LGR6: variants seen among roughly 807,000 people sequenced by gnomAD.
LGR6 encodes leucine rich repeat containing G protein-coupled receptor 6, also known as leucine-rich repeat-containing G protein-coupled receptor 6.
In LGR6, 45 loss-of-function variants were observed where a neutral mutation model predicts 69.4. The observed-to-expected ratio is 0.65, with a 90% CI of 0.51 to 0.83. The LOEUF (loss-of-function observed/expected upper bound fraction) is 0.83, where lower values mean the gene tolerates loss of function less well. Among genes scored for constraint, LGR6 ranks in the 40% least tolerant of loss-of-function variants. The probability of loss-of-function intolerance (pLI) is 0.00; values close to 1 mark genes in which losing one functional copy is unlikely to be tolerated. For missense variants in LGR6, 1,108 were observed against 1,246.7 expected (o/e 0.89, Z 1.68); for synonymous variants, 538 against 555.0 (o/e 0.97, Z 0.43).
At chr1:202,219,366 T>G (rs1313787855) in intron 1 of LGR6, among the ~76,000 whole-genome samples, 2 of 152,242 alleles carry the variant, frequency 1.3e-5, no homozygotes, top group Non-Finnish European at 2.9e-5. Flanking sequence ...CGTTAAGCCC[T>G]AGTCAGAGAC....
chr1:202,309,171 A>G lies in LGR6; in HGVS notation c.1401A>G (p.Lys467=), dbSNP rs148996602. ...CCTTCTCCAAGGACAGTTTCCCAAAACTGAGGTGAGGGACTGGCTTTCCCC... is the reference window on the plus strand; with the variant it reads ...CCTTCTCCAAGGACAGTTTCCCAAAGCTGAGGTGAGGGACTGGCTTTCCCC... The part of the protein sequence containing the change: ...SQAFSKDSFP[K]LRILEVPYAY... The change falls in exon 15 of 18, where the codon AAA becomes AAG. Residue 467 remains lysine (K), a synonymous_variant. Coordinates refer to ENST00000367278, the MANE Select transcript of LGR6 (RefSeq NM_001017403.2). The G allele has an allele frequency of 1.8e-5, 29 of 1,613,834 alleles. No individual in the cohort carries two copies. Among genetic ancestry groups the G allele is most frequent in the Non-Finnish European group, 2.1e-5 (25 of 1,179,910 alleles).
chr1:202,318,346 C>T lies in LGR6; in HGVS notation c.2043C>T (p.Pro681=), dbSNP rs747802910. 1.1e-5 allele frequency: 17 copies of T among 1,597,522 alleles called. No homozygotes were observed. Among genetic ancestry groups the T allele is most frequent in the African/African-American group, 1.3e-5 (1 of 74,722 alleles). Residue 681 remains proline (P), a synonymous_variant, in exon 18 of 18, where the codon CCC becomes CCT. Coordinates refer to ENST00000367278, the MANE Select transcript of LGR6 (RefSeq NM_001017403.2). ...VSCVRAYGKS[P]SLGSVRAGVL... ...GTGTCCGGGCCTATGGGAAGTCCCC[C>T]TCCCTGGGCAGCGTTCGAGCAGGGG...
At chr1:202,286,202 A>AT (rs1666382517) in intron 6 of LGR6, among the ~76,000 whole-genome samples, 1 of 152,172 alleles carries the variant, frequency 6.6e-6, no homozygotes, top group African/African-American at 2.4e-5. Flanking sequence ...TGGGGGCTAC[A>AT]TATAATTCAA....
rs532715782 is a variant in LGR6 at position 202,230,673 on chromosome 1, T to G, written c.356+2666T>G. On this transcript the variant is annotated intron_variant, in intron 3 of 17. Transcript: ENST00000367278. The stretch of plus-strand genomic sequence containing the variant: ...GCGTGTGTGTGTCAGGCTTCTCCAG[T>G]CTTTATCTCAAAAGTTTCCTGTCTC... Among the ~76,000 whole-genome samples, 3 of 152,310 alleles carry G rather than the reference T, an allele frequency of 2.0e-5. 1 individual carries two copies. Among genetic ancestry groups the G allele is most frequent in the African/African-American group, 7.2e-5 (3 of 41,562 alleles).
At chr1:202,214,173 G>A (rs781736219) in intron 1 of LGR6, 2 of 1,527,758 alleles carry the variant, frequency 1.3e-6, no homozygotes, top group South Asian at 2.5e-5. Context: ...GGAGGGAGAG[G>A]GCCGCTCAGC....
Position 202,235,541 on chromosome 1 carries a change from C to A in LGR6, c.357-381C>A, listed in dbSNP as rs915745504. Among the ~76,000 whole-genome samples, 6 of 152,194 alleles carry A rather than the reference C, an allele frequency of 3.9e-5. 1 individual carries two copies. The highest frequency in any genetic ancestry group is 1.4e-4 in the African/African-American group (6 of 41,444). ...CTTTAGCCTTTCAGATGAATAGACA[C>A]GGAAACTGACAACCTACATTTTCCC... On this transcript the variant is annotated intron_variant, in intron 3 of 17. Transcript: ENST00000367278.
intron 4 of LGR6, among the ~76,000 whole-genome samples, chr1:202,262,471 ATGCT>A (rs1664313204): frequency 3.9e-5 from 6 of 152,054 alleles, no homozygotes; most frequent in African/African-American, 1.2e-4. Context: ...TACCAGTACC[ATGCT>A]GTTTTGGTTA....
At chr1:202,291,681 G>A (rs1029984071) in intron 6 of LGR6, among the ~76,000 whole-genome samples, 5 of 152,106 alleles carry the variant, frequency 3.3e-5, no homozygotes, top group African/African-American at 7.2e-5. Flanking sequence ...TTCAATCCCC[G>A]CCCTTCTAAT....
chr1:202,306,855 C>G lies in LGR6; in HGVS notation c.1137-13C>G. On this transcript the variant is annotated splice_polypyrimidine_tract_variant and intron_variant, in intron 12 of 17. Coordinates refer to ENST00000367278, the MANE Select transcript of LGR6 (RefSeq NM_001017403.2). Reference sequence around the variant, plus strand: ...GAGCCTGCCGGCTCATCCAGCCTCTCTTGCTGCCCTAGCGGCCTCCAACAC... The same window carrying G: ...GAGCCTGCCGGCTCATCCAGCCTCTGTTGCTGCCCTAGCGGCCTCCAACAC... 1.2e-6 allele frequency: 2 copies of G among 1,613,858 alleles called. No homozygotes were observed. The highest frequency in any genetic ancestry group is 1.7e-6 in the Non-Finnish European group (2 of 1,179,830).
chr1:202,260,986 A>G (rs1664187118), intron 4 of LGR6, among the ~76,000 whole-genome samples: 1 of 152,118 alleles, frequency 6.6e-6, no homozygotes, highest in East Asian at 1.9e-4. Flanking sequence ...AATGTTTGCC[A>G]GAATGTGTTG....
chr1:202,301,625 C>T (rs1049394344), intron 9 of LGR6, among the ~76,000 whole-genome samples: 1 of 152,214 alleles, frequency 6.6e-6, no homozygotes, highest in Non-Finnish European at 1.5e-5. Flanking sequence ...GATCCCTGGG[C>T]ACTTTGCTGT....
chr1:202,281,213 G>T (rs1665979296), intron 6 of LGR6, among the ~76,000 whole-genome samples: 2 of 152,136 alleles, frequency 1.3e-5, no homozygotes, highest in Non-Finnish European at 2.9e-5. Context: ...AGAAGGCATG[G>T]GGGTGGGGCT....
intron 4 of LGR6, among the ~76,000 whole-genome samples, chr1:202,272,361 C>A (rs1241529050): frequency 6.6e-6 from 1 of 152,206 alleles, no homozygotes; most frequent in Non-Finnish European, 1.5e-5. Flanking sequence ...AAACACAGTC[C>A]TGGCCGATTT....
At position 202,212,742 on chromosome 1, in the gene LGR6, G is replaced by A. The variant is rs147432107; in HGVS notation, c.213-12681G>A. On this transcript the variant is annotated intron_variant, in intron 1 of 17. Coordinates refer to ENST00000367278, the MANE Select transcript of LGR6 (RefSeq NM_001017403.2). ...TTACTTAGCTACATCTGCAAAGGCC[G>A]TTTTTTCAAGTAAGATCATATTCAC... is the stretch of plus-strand genomic sequence containing the variant. 7.9e-5 allele frequency among the ~76,000 whole-genome samples: 12 copies of A among 152,306 alleles called. No homozygotes were observed. The East Asian group carries it at 1.9e-3, about 25-fold the overall frequency.
chr1:202,252,500 G>A (rs1048309366), intron 4 of LGR6, among the ~76,000 whole-genome samples: 8 of 152,158 alleles, frequency 5.3e-5, no homozygotes, highest in South Asian at 2.1e-4. Flanking sequence ...GCTCCTGTAC[G>A]TGAAAGGTAC....
At position 202,317,996 on chromosome 1, in the gene LGR6, C is replaced by T. The variant is rs748192170; in HGVS notation, c.1693C>T (p.Arg565Cys). 14 of 1,613,746 alleles carry T rather than the reference C, an allele frequency of 8.7e-6. No individual in the cohort carries two copies. The highest frequency in any genetic ancestry group is 1.2e-5 in the Non-Finnish European group (14 of 1,179,878). ...CEYLFESWGI[R>C]LAVWAIVLLS... ...GTACCTCTTTGAAAGCTGGGGCATC[C>T]GCCTGGCCGTGTGGGCCATCGTGTT... Residue 565 changes from arginine to cysteine, a missense_variant, in exon 18 of 18, where the codon CGC becomes TGC. Transcript: ENST00000367278.
chr1:202,275,303 T>G (rs1389154330), intron 4 of LGR6, among the ~76,000 whole-genome samples: 1 of 152,206 alleles, frequency 6.6e-6, no homozygotes, highest in Non-Finnish European at 1.5e-5. Context: ...GTCTGGTCCC[T>G]GTGAGACCAT....
rs116053413 is a variant in LGR6 at position 202,289,214 on chromosome 1, C to T, written c.717-8294C>T. On this transcript the variant is annotated intron_variant, in intron 6 of 17. Coordinates refer to ENST00000367278, the MANE Select transcript of LGR6 (RefSeq NM_001017403.2). The stretch of plus-strand genomic sequence containing the variant: ...AAGTGAAGACGGGCACTCCAGCTGA[C>T]AGTAAGGAAGGATTACGTAATCTGC... 8.8e-3 allele frequency among the ~76,000 whole-genome samples: 1,339 copies of T among 152,302 alleles called. 7 individuals carry two copies. The highest frequency in any genetic ancestry group is 0.022 in the South Asian group (104 of 4,820).
At chr1:202,249,821 G>A (rs1468244949) in intron 4 of LGR6, among the ~76,000 whole-genome samples, 1 of 152,108 alleles carries the variant, frequency 6.6e-6, no homozygotes, top group Non-Finnish European at 1.5e-5. Context: ...CTGGGCTGCT[G>A]TAACAGCCTC....
Sources: gnomAD v4.1 joint callset for allele counts (sites outside exome capture counted in the v4.1 genomes callset) on GRCh38, gnomAD v4.1.1 for gene constraint, MANE v1.5 for transcripts, NCBI Gene and HGNC (gene_info 2026-07-23, HGNC 2026-07-21) for gene names.